The following AGTPBP1 variants were observed in gnomAD, a reference collection of about 807,000 sequenced individuals.
AGTPBP1 encodes the protein ATP/GTP binding carboxypeptidase 1, also known as cytosolic carboxypeptidase 1.
Under a neutral mutation model 143.9 loss-of-function variants are expected in AGTPBP1, and 70 were observed. That is an observed-to-expected ratio of 0.49 (90% confidence interval 0.40 to 0.59). AGTPBP1 has a LOEUF of 0.59. AGTPBP1 is among the 20% of genes least tolerant of loss of function. The probability of loss-of-function intolerance (pLI) is 0.00; values close to 1 mark genes in which losing one functional copy is unlikely to be tolerated. For missense variants in AGTPBP1, 1,229 were observed against 1,464.5 expected, an observed-to-expected ratio of 0.84 and a Z score of 2.62; for synonymous variants, 463 against 500.2, an observed-to-expected ratio of 0.93 and a Z score of 0.99.
intron 20 of AGTPBP1, 70 bp downstream of exon 20, chr9:85,589,458 T>A: frequency 6.6e-7 from 1 of 1,507,536 alleles, no homozygotes; most frequent in Non-Finnish European, 8.9e-7. Context: ...ATTTCCATTA[T>A]AAAATACGGT....
At chr9:85,637,918 T>TA (rs1367116414) in intron 13 of AGTPBP1, among the ~76,000 whole-genome samples, 1 of 152,160 alleles carries the variant, frequency 6.6e-6, no homozygotes. Flanking sequence ...CACATGCAAG[T>TA]ACACGCCACT....
intron 15 of AGTPBP1, 35 bp downstream of exon 15, chr9:85,621,167 A>T (rs777007420): frequency 5.1e-5 from 62 of 1,226,390 alleles, no homozygotes; most frequent in Non-Finnish European, 1.2e-5. Flanking sequence ...AGAAAAACTT[A>T]AAACTAATAA....
At chr9:85,721,958 G>A (rs1838156061) in intron 1 of AGTPBP1, among the ~76,000 whole-genome samples, 2 of 152,144 alleles carry the variant, frequency 1.3e-5, no homozygotes, top group African/African-American at 4.8e-5. Context: ...TGAAATTCTG[G>A]GTTGAAAACT....
intron 2 of AGTPBP1, among the ~76,000 whole-genome samples, chr9:85,705,981 C>T (rs1329080956): frequency 2.6e-5 from 4 of 150,958 alleles, no homozygotes; most frequent in Non-Finnish European, 5.9e-5. Flanking sequence ...TGAGCCACCA[C>T]GCCTGGACTA....
the AGTPBP1 span, among the ~76,000 whole-genome samples, chr9:85,784,128 C>T: frequency 3.3e-5 from 5 of 152,142 alleles, no homozygotes; most frequent in Admixed American, 3.3e-4. Context: ...TGTATTTAAA[C>T]CTATCCTTGT....
At chr9:85,756,237 T>A in the AGTPBP1 span, 2 of 1,596,766 alleles carry the variant, frequency 1.3e-6, no homozygotes, top group Non-Finnish European at 1.7e-6. Flanking sequence ...AATAAGAAAT[T>A]GAGATCTAGT....
At chr9:85,764,850 A>C in the AGTPBP1 span, 297 of 1,299,464 alleles carry the variant, frequency 2.3e-4, no homozygotes, top group African/African-American at 3.9e-3. Flanking sequence ...CTCCAGAAAG[A>C]AAAGGATCAG....
At position 85,585,757 on chromosome 9, in the gene AGTPBP1, C is replaced by A. The variant is rs188675587; in HGVS notation, c.3034-163G>T. 1.6e-3 allele frequency among the ~76,000 whole-genome samples: 249 copies of A among 152,244 alleles called. 2 individuals are homozygous for A. The highest frequency in any genetic ancestry group is 3.4e-3 in the Admixed American group (52 of 15,288). On this transcript the variant is annotated intron_variant, in intron 22 of 25. Transcript: ENST00000357081. ...TTAGAACCAACAAAAGTAATAATAACTAATTTGGGAAAGGATCTATAATTA... is the reference window on the plus strand; with the variant it reads ...TTAGAACCAACAAAAGTAATAATAAATAATTTGGGAAAGGATCTATAATTA...
the AGTPBP1 span, among the ~76,000 whole-genome samples, chr9:85,749,884 C>A: frequency 8.7e-4 from 65 of 74,498 alleles, no homozygotes; most frequent in African/African-American, 5.9e-3. Context: ...CTCCTGTATC[C>A]CTTTTTTTTT....
chr9:85,681,831 C>A (rs1587891217), intron 3 of AGTPBP1, among the ~76,000 whole-genome samples: 1 of 141,648 alleles, frequency 7.1e-6, no homozygotes. Context: ...CTCACTACAA[C>A]CTCCGCCTCC....
chr9:85,774,672 A>C, the AGTPBP1 span, among the ~76,000 whole-genome samples: 1 of 152,176 alleles, frequency 6.6e-6, no homozygotes, highest in East Asian at 1.9e-4. Flanking sequence ...TTGTTAGGTG[A>C]TACTGTTACT....
At chr9:85,773,345 T>C in the AGTPBP1 span, among the ~76,000 whole-genome samples, 4 of 132,548 alleles carry the variant, frequency 3.0e-5, no homozygotes, top group Non-Finnish European at 6.5e-5. Context: ...TTTTTTTTTT[T>C]TTTTTGCGGC....
intron 2 of AGTPBP1, among the ~76,000 whole-genome samples, chr9:85,710,011 T>C (rs1320950398): frequency 6.6e-6 from 1 of 152,188 alleles, no homozygotes; most frequent in Non-Finnish European, 1.5e-5. Context: ...TTCAAGTCCC[T>C]ATCACACAAT....
chr9:85,655,056 G>A (rs1414128701), intron 11 of AGTPBP1, 87 bp downstream of exon 11: 2 of 1,207,840 alleles, frequency 1.7e-6, no homozygotes, highest in Non-Finnish European at 2.2e-6. Context: ...TTCCTTTGCT[G>A]AGGAGTTAGA....
intron 25 of AGTPBP1, among the ~76,000 whole-genome samples, chr9:85,557,243 C>T (rs1394739896): frequency 6.6e-6 from 1 of 152,180 alleles, no homozygotes; most frequent in Non-Finnish European, 1.5e-5. Flanking sequence ...GGATCATTTA[C>T]TTATGACAAG....
At chr9:85,762,781 A>G in the AGTPBP1 span, among the ~76,000 whole-genome samples, 1 of 145,746 alleles carries the variant, frequency 6.9e-6, no homozygotes, top group South Asian at 2.1e-4. Flanking sequence ...ATATATATAT[A>G]AAACTTTATA....
intron 6 of AGTPBP1, 132 bp downstream of exon 6, chr9:85,677,302 CAT>C: frequency 6.3e-6 from 5 of 792,170 alleles, no homozygotes. Context: ...CCCCCATAAA[CAT>C]GTACAATTAT....
At chr9:85,551,722 T>C (rs774386665) in intron 25 of AGTPBP1, among the ~76,000 whole-genome samples, 24 of 152,220 alleles carry the variant, frequency 1.6e-4, no homozygotes, top group Admixed American at 4.6e-4. Flanking sequence ...AATTTCAACG[T>C]ATGTTTTGAG....
the AGTPBP1 span, among the ~76,000 whole-genome samples, chr9:85,766,141 A>G: frequency 6.7e-6 from 1 of 150,024 alleles, no homozygotes; most frequent in South Asian, 2.1e-4. Context: ...AAAAAAAAAA[A>G]CCCAAAGTAT....
Sources: allele counts gnomAD v4.1 joint callset (sites outside exome capture counted in the v4.1 genomes callset), GRCh38; gene constraint gnomAD v4.1.1; transcripts MANE v1.5; gene names NCBI Gene and HGNC (gene_info 2026-07-23, HGNC 2026-07-21).